The following GPHN variants were observed in gnomAD, a reference collection of about 807,000 sequenced individuals.
GPHN encodes gephyrin.
GPHN carries 17 observed loss-of-function variants against 95.5 expected under a neutral mutation model. The ratio of observed to expected loss-of-function variants is 0.18; its 90% CI spans 0.12 to 0.27. The LOEUF (loss-of-function observed/expected upper bound fraction) is 0.27, where lower values mean the gene tolerates loss of function less well. Among genes scored for constraint, GPHN ranks in the 10% least tolerant of loss-of-function variants. The pLI is 1.00. For synonymous variants in GPHN, 320 were observed against 322.5 expected (o/e 0.99, Z 0.08); for missense variants, 660 against 978.1 (o/e 0.67, Z 4.34).
Position 66,712,653 on chromosome 14 carries a change from T to G in GPHN, c.143+31468T>G, listed in dbSNP as rs530658018. 1.2e-3 allele frequency among the ~76,000 whole-genome samples: 182 copies of G among 152,290 alleles called. 1 individual carries two copies. Among genetic ancestry groups the G allele is most frequent in the Non-Finnish European group, 2.2e-3 (147 of 68,012 alleles). On this transcript the variant is annotated intron_variant, in intron 2 of 22. Transcript: ENST00000478722. ...GCTCTTTAGTTTAATTAGATCCCAT[T>G]TGTCCATTTTGGCTTTTGTTGCCAA... is the stretch of plus-strand genomic sequence containing the variant.
At chr14:67,284,103 C>A in the GPHN span, among the ~76,000 whole-genome samples, 1 of 152,132 alleles carries the variant, frequency 6.6e-6, no homozygotes, top group African/African-American at 2.4e-5. Flanking sequence ...GTAAATGGCA[C>A]ACTACAGGTT....
chr14:67,301,595 T>A, the GPHN span: 1 of 508,968 alleles, frequency 2.0e-6, no homozygotes, highest in Non-Finnish European at 3.4e-6. Context: ...CAACCCCATC[T>A]ATAACATAGT....
intron 9 of GPHN, among the ~76,000 whole-genome samples, chr14:66,972,633 G>A (rs2069888672): frequency 6.6e-6 from 1 of 151,286 alleles, no homozygotes; most frequent in African/African-American, 2.4e-5. Context: ...TCACATTCAA[G>A]GGCCAAGTTT....
At chr14:67,057,650 C>G (rs959326101) in intron 10 of GPHN, among the ~76,000 whole-genome samples, 3 of 152,160 alleles carry the variant, frequency 2.0e-5, no homozygotes, top group African/African-American at 2.4e-5. Context: ...TTACTACCCT[C>G]TTTTTCTTTC....
At chr14:66,586,276 T>C (rs56321745) in intron 1 of GPHN, among the ~76,000 whole-genome samples, 5,893 of 152,250 alleles carry the variant, frequency 0.039, 170 homozygotes, top group Middle Eastern at 0.065. Flanking sequence ...TTTGAGCCTA[T>C]GTGTGTCTGC....
chr14:66,745,853 TAATA>T (rs1231087662), intron 2 of GPHN, among the ~76,000 whole-genome samples: 1 of 152,014 alleles, frequency 6.6e-6, no homozygotes, highest in Non-Finnish European at 1.5e-5. Context: ...TGATCTTTCT[TAATA>T]GTCACATCAT....
chr14:67,250,052 C>T, the GPHN span, among the ~76,000 whole-genome samples: 1 of 152,024 alleles, frequency 6.6e-6, no homozygotes, highest in Admixed American at 6.5e-5. Context: ...TTTTATGAAG[C>T]TGGTTGAGAT....
At chr14:67,021,356 T>C (rs998541430) in intron 9 of GPHN, among the ~76,000 whole-genome samples, 4 of 152,110 alleles carry the variant, frequency 2.6e-5, no homozygotes, top group Non-Finnish European at 1.5e-5. Context: ...CTGTTGGCAA[T>C]TTATGAACCT....
intron 2 of GPHN, among the ~76,000 whole-genome samples, chr14:66,716,722 G>C (rs757238380): frequency 6.6e-6 from 1 of 152,120 alleles, no homozygotes; most frequent in Non-Finnish European, 1.5e-5. Flanking sequence ...TGGTAGTGAC[G>C]AATTTTCTCG....
intron 11 of GPHN, among the ~76,000 whole-genome samples, chr14:67,075,238 A>G (rs2076452699): frequency 1.3e-5 from 2 of 152,210 alleles, no homozygotes; most frequent in African/African-American, 4.8e-5. Flanking sequence ...CCTGTGCTCT[A>G]TAAATGACAA....
chr14:66,663,827 C>T (rs2065794057), intron 1 of GPHN, among the ~76,000 whole-genome samples: 1 of 128,026 alleles, frequency 7.8e-6, no homozygotes, highest in Admixed American at 7.8e-5. Context: ...GCAGGGGTTG[C>T]AATCCTGTTC....
the GPHN span, chr14:67,562,179 A>G: frequency 1.9e-5 from 31 of 1,611,464 alleles, no homozygotes; most frequent in South Asian, 2.6e-4. Context: ...GTGCCCCCCT[A>G]CGGAGCTGCA....
chr14:66,978,336 T>A (rs1384053278), intron 9 of GPHN, among the ~76,000 whole-genome samples: 1 of 152,210 alleles, frequency 6.6e-6, no homozygotes. Context: ...GTTGTTTGAA[T>A]GCATTTTTTC....
the GPHN span, among the ~76,000 whole-genome samples, chr14:67,368,847 ACTATCT>A: frequency 6.6e-6 from 1 of 152,116 alleles, no homozygotes; most frequent in Non-Finnish European, 1.5e-5. Flanking sequence ...ACATAGTGAA[ACTATCT>A]CTAGAAATAA....
At chr14:67,648,368 G>C in the GPHN span, 1 of 530,132 alleles carries the variant, frequency 1.9e-6, no homozygotes, top group Admixed American at 3.9e-5. Flanking sequence ...GTCATGCTTG[G>C]ACATGGCTCT....
At chr14:67,678,803 C>T in the GPHN span, among the ~76,000 whole-genome samples, 11 of 151,770 alleles carry the variant, frequency 7.2e-5, no homozygotes, top group East Asian at 1.9e-3. Context: ...AGCTGAGATC[C>T]TGCTATTCAC....
intron 2 of GPHN, among the ~76,000 whole-genome samples, chr14:66,724,103 C>T (rs547410929): frequency 2.0e-5 from 3 of 151,854 alleles, no homozygotes; most frequent in African/African-American, 7.3e-5. Context: ...GTGAACTCAA[C>T]TGGTTTATAT....
chr14:67,729,838 A>T, the GPHN span: 2 of 465,460 alleles, frequency 4.3e-6, no homozygotes, highest in Admixed American at 4.6e-5. Context: ...ATATAGAAGT[A>T]GAAATTTTAG....
At chr14:66,611,060 A>G (rs991763782) in intron 1 of GPHN, among the ~76,000 whole-genome samples, 19 of 152,194 alleles carry the variant, frequency 1.2e-4, no homozygotes, top group African/African-American at 4.6e-4. Context: ...TGGTCAAGCA[A>G]ATAATCTTCA....
Sources: gnomAD v4.1 joint callset for allele counts (sites outside exome capture counted in the v4.1 genomes callset) on GRCh38, gnomAD v4.1.1 for gene constraint, MANE v1.5 for transcripts, NCBI Gene and HGNC (gene_info 2026-07-23, HGNC 2026-07-21) for gene names.